The following FAM81B variants were observed in gnomAD, a reference collection of about 807,000 sequenced individuals.
The protein encoded by FAM81B is protein FAM81B.
In FAM81B, 60 loss-of-function variants were observed where a neutral mutation model predicts 58.7. That is an observed-to-expected ratio of 1.02 (90% CI 0.83 to 1.27). The LOEUF (loss-of-function observed/expected upper bound fraction) is 1.27. FAM81B is among the 50% of genes most tolerant of loss of function. The pLI is 0.00. For synonymous variants in FAM81B, 189 were observed against 179.6 expected (o/e 1.05, Z -0.42); for missense variants, 491 against 522.0 (o/e 0.94, Z 0.58).
In FAM81B at chr5:95,450,399, A is replaced by G; in HGVS notation, c.*117A>G. 6.7e-7 allele frequency: 1 copy of G among 1,493,916 alleles called. No individual in the cohort carries two copies. 92.5% of individuals were successfully genotyped at this position (1,493,916 alleles called of 1,614,324 possible). A position where few individuals can be genotyped will look rare whatever the true frequency, so the allele number is the denominator to read the frequency against. ...CTGCTTCTAATGTCTCCTTTTAAGGAGACGAATGTACCAGAAAAATAATAA... is the reference window on the plus strand; with the variant it reads ...CTGCTTCTAATGTCTCCTTTTAAGGGGACGAATGTACCAGAAAAATAATAA... On this transcript the variant is annotated 3_prime_UTR_variant, in exon 10 of 10. Coordinates refer to ENST00000283357, the MANE Select transcript of FAM81B (RefSeq NM_152548.3).
rs532902276 is a variant in FAM81B at position 95,448,483 on chromosome 5, T to C, written c.1225+19T>C. 6.3e-7 allele frequency: 1 copy of C among 1,580,180 alleles called. No homozygotes were observed. The highest frequency in any genetic ancestry group is 8.6e-7 in the Non-Finnish European group (1 of 1,167,654). On this transcript the variant is annotated intron_variant, in intron 9 of 9. Transcript: ENST00000283357. ...CAATCAGGTGAGCAGATACCTTTTA[T>C]TAAGTAAAGAATATCTGTCCTTTCC...
intron 8 of FAM81B, among the ~76,000 whole-genome samples, chr5:95,446,940 GTTTT>G (rs764169970): frequency 7.0e-6 from 1 of 142,148 alleles, no homozygotes; most frequent in African/African-American, 2.6e-5. Flanking sequence ...ATCTGAAGAG[GTTTT>G]TTTTTTTAAA....
intron 5 of FAM81B, chr5:95,423,994 A>G: frequency 7.8e-7 from 1 of 1,288,030 alleles, no homozygotes; most frequent in Non-Finnish European, 1.0e-6. Context: ...AACACCAAAC[A>G]GCCGGGAGGT....
intron 2 of FAM81B, among the ~76,000 whole-genome samples, chr5:95,395,061 C>T (rs940196785): frequency 6.6e-6 from 1 of 152,060 alleles, no homozygotes; most frequent in Non-Finnish European, 1.5e-5. Flanking sequence ...CTCATATTCT[C>T]CATATTGAAT....
intron 3 of FAM81B, among the ~76,000 whole-genome samples, chr5:95,400,828 T>G (rs564793930): frequency 1.3e-5 from 2 of 151,462 alleles, no homozygotes; most frequent in Admixed American, 6.6e-5. Flanking sequence ...CTCAGAGAGG[T>G]TGAAGTTAGC....
intron 2 of FAM81B, among the ~76,000 whole-genome samples, chr5:95,395,298 C>T (rs922797818): frequency 1.5e-4 from 23 of 152,006 alleles, no homozygotes; most frequent in Non-Finnish European, 1.0e-4. Context: ...AAAAATTTAG[C>T]CAGGCGTGGT....
rs577880981 is a variant in FAM81B at position 95,409,508 on chromosome 5, A to T, written c.294-4439A>T. Among the ~76,000 whole-genome samples the T allele has an allele frequency of 3.2e-4, 40 of 124,250 alleles. 1 individual carries two copies. The highest frequency in any genetic ancestry group is 1.0e-3 in the African/African-American group (40 of 38,166). The allele number at this position is 124,250 out of a possible 152,430, so 81.5% of individuals were successfully genotyped here. A position where few individuals can be genotyped will look rare whatever the true frequency, so the allele number is the denominator to read the frequency against. On this transcript the variant is annotated intron_variant, in intron 3 of 9. Transcript: ENST00000283357. ...TCTTAATGTGGCTATTAGAAAGTTT[A>T]AAATTGTCTATAAGGTTTACATTAT... is the stretch of plus-strand genomic sequence containing the variant.
chr5:95,428,937 C>A (rs1358146542), intron 6 of FAM81B, among the ~76,000 whole-genome samples: 2 of 152,162 alleles, frequency 1.3e-5, no homozygotes, highest in African/African-American at 4.8e-5. Flanking sequence ...CGTGTTCCAA[C>A]ACAGCCATCT....
At chr5:95,402,536 C>A (rs1762140459) in intron 3 of FAM81B, among the ~76,000 whole-genome samples, 2 of 152,150 alleles carry the variant, frequency 1.3e-5, no homozygotes, top group Non-Finnish European at 2.9e-5. Flanking sequence ...GAAATAACTA[C>A]AGTCCAGCAT....
chr5:95,392,304 G>A (rs544053710), intron 1 of FAM81B, among the ~76,000 whole-genome samples: 3 of 152,254 alleles, frequency 2.0e-5, no homozygotes, highest in African/African-American at 7.2e-5. Context: ...GTTGAACAAT[G>A]AGAACACATG....
chr5:95,443,192 C>T (rs540569933), intron 7 of FAM81B, among the ~76,000 whole-genome samples: 67 of 152,246 alleles, frequency 4.4e-4, no homozygotes, highest in African/African-American at 1.5e-3. Flanking sequence ...CGGACCCTGG[C>T]TGCCTTCACC....
At chr5:95,433,398 C>G (rs1744975170) in intron 6 of FAM81B, among the ~76,000 whole-genome samples, 1 of 152,000 alleles carries the variant, frequency 6.6e-6, no homozygotes. Flanking sequence ...GTAATTGCCC[C>G]CATGATTCAA....
At chr5:95,440,062 C>G (rs1165600494) in intron 7 of FAM81B, 1 of 467,144 alleles carries the variant, frequency 2.1e-6, no homozygotes, top group Admixed American at 2.9e-5. Flanking sequence ...CTTTGTTTGG[C>G]TTGAAGACCA....
At chr5:95,449,137 AT>A (rs988400522) in intron 9 of FAM81B, among the ~76,000 whole-genome samples, 11 of 151,988 alleles carry the variant, frequency 7.2e-5, no homozygotes, top group Non-Finnish European at 1.0e-4. Context: ...GTCCCAAGTA[AT>A]TTTTTTTCTT....
intron 3 of FAM81B, among the ~76,000 whole-genome samples, chr5:95,399,554 A>T (rs528904443): frequency 6.6e-6 from 1 of 151,142 alleles, no homozygotes; most frequent in Non-Finnish European, 1.5e-5. Context: ...GGCATTACCC[A>T]TAGGGACCCC....
chr5:95,408,017 C>T (rs1378481446), intron 3 of FAM81B, among the ~76,000 whole-genome samples: 1 of 151,628 alleles, frequency 6.6e-6, no homozygotes, highest in Non-Finnish European at 1.5e-5. Context: ...TTTTCAGTTC[C>T]TCACCATGTG....
chr5:95,437,863 A>G (rs1332259884), intron 7 of FAM81B, among the ~76,000 whole-genome samples: 1 of 151,680 alleles, frequency 6.6e-6, no homozygotes, highest in Non-Finnish European at 1.5e-5. Flanking sequence ...ACTGTCCCTT[A>G]TGCTCTTATT....
At chr5:95,394,525 G>T (rs1004904230) in intron 2 of FAM81B, among the ~76,000 whole-genome samples, 1 of 152,172 alleles carries the variant, frequency 6.6e-6, no homozygotes, top group Non-Finnish European at 1.5e-5. Flanking sequence ...GTTTCAGTGG[G>T]AAACAGGAGT....
chr5:95,432,001 A>C (rs1039278618), intron 6 of FAM81B, among the ~76,000 whole-genome samples: 1 of 152,044 alleles, frequency 6.6e-6, no homozygotes, highest in African/African-American at 2.4e-5. Flanking sequence ...AATAGTGGAC[A>C]TCCTGGTCTT....
Sources: allele counts gnomAD v4.1 joint callset (sites outside exome capture counted in the v4.1 genomes callset), GRCh38; gene constraint gnomAD v4.1.1; transcripts MANE v1.5; gene names NCBI Gene and HGNC (gene_info 2026-07-23, HGNC 2026-07-21).